ALCAM: variants seen among roughly 807,000 people sequenced by gnomAD.
ALCAM encodes the protein activated leukocyte cell adhesion molecule, also known as CD166 antigen.
ALCAM carries 30 observed loss-of-function variants against 70.9 expected under a neutral mutation model. The observed-to-expected ratio is 0.42, with a 90% confidence interval of 0.32 to 0.57. The LOEUF is 0.57. ALCAM is among the 20% of genes least tolerant of loss of function. The pLI is 0.11. For missense variants in ALCAM, 591 were observed against 695.1 expected (o/e 0.85, Z 1.68); for synonymous variants, 249 against 242.5 (o/e 1.03, Z -0.25).
intron 1 of ALCAM, among the ~76,000 whole-genome samples, chr3:105,408,342 A>G (rs543850784): frequency 9.8e-5 from 15 of 152,332 alleles, no homozygotes; most frequent in African/African-American, 3.6e-4. Context: ...TGATACGGGT[A>G]TAAAAATAGG....
chr3:105,394,536 T>TTCC (rs1262694499), intron 1 of ALCAM, among the ~76,000 whole-genome samples: 3 of 152,000 alleles, frequency 2.0e-5, no homozygotes, highest in African/African-American at 4.8e-5. Flanking sequence ...CTTAGATGCC[T>TTCC]TCCAGCTAGT....
chr3:105,557,749 T>C (rs1030447587), intron 14 of ALCAM, among the ~76,000 whole-genome samples: 11 of 152,144 alleles, frequency 7.2e-5, no homozygotes, highest in Non-Finnish European at 1.3e-4. Flanking sequence ...CTAATGGTTG[T>C]CGTATTCACT....
chr3:105,532,087 A>T (rs766708280), intron 4 of ALCAM, 21 bp downstream of exon 4: 3 of 1,600,936 alleles, frequency 1.9e-6, no homozygotes, highest in Non-Finnish European at 2.6e-6. Context: ...TTTTTGATTA[A>T]TACCTTTATT....
At chr3:105,445,746 T>C (rs1937279608) in intron 1 of ALCAM, among the ~76,000 whole-genome samples, 1 of 152,180 alleles carries the variant, frequency 6.6e-6, no homozygotes. Context: ...AGTCTTTCAA[T>C]AATTGGTGCT....
At chr3:105,388,778 A>G (rs1935721970) in intron 1 of ALCAM, among the ~76,000 whole-genome samples, 1 of 151,572 alleles carries the variant, frequency 6.6e-6, no homozygotes, top group South Asian at 2.1e-4. Context: ...TTTGAACTTA[A>G]TAATTAGATT....
intron 1 of ALCAM, among the ~76,000 whole-genome samples, chr3:105,444,471 C>T (rs1255484774): frequency 2.7e-5 from 4 of 149,588 alleles, no homozygotes; most frequent in Non-Finnish European, 4.5e-5. Flanking sequence ...TCACTGCCCA[C>T]TTGGTCCCTC....
chr3:105,456,229 C>T (rs1256736857), intron 1 of ALCAM, among the ~76,000 whole-genome samples: 1 of 152,212 alleles, frequency 6.6e-6, no homozygotes, highest in Non-Finnish European at 1.5e-5. Context: ...ACTGCCAGAG[C>T]TGTTAACACT....
At chr3:105,430,988 A>G (rs73181380) in intron 1 of ALCAM, among the ~76,000 whole-genome samples, 16,843 of 152,116 alleles carry the variant, frequency 0.11, 1,063 homozygotes, top group Middle Eastern at 0.17. Context: ...TCCTAGCACA[A>G]TGCCAGAAAC....
intron 3 of ALCAM, among the ~76,000 whole-genome samples, chr3:105,528,198 A>T (rs1198019129): frequency 6.6e-6 from 1 of 152,160 alleles, no homozygotes; most frequent in Non-Finnish European, 1.5e-5. Context: ...AGTCATACAG[A>T]GCAGTTGTGC....
intron 15 of ALCAM, among the ~76,000 whole-genome samples, chr3:105,572,738 A>T (rs1398752318): frequency 6.6e-6 from 1 of 152,180 alleles, no homozygotes; most frequent in East Asian, 1.9e-4. Context: ...CATTCTCTCA[A>T]AACAGGAAGA....
rs1266313664 is a variant in ALCAM at position 105,571,971 on chromosome 3, A to G, written c.*25+7A>G. 1 of 1,496,798 alleles carries G rather than the reference A, an allele frequency of 6.7e-7. No homozygotes were observed. The highest frequency in any genetic ancestry group is 2.3e-5 in the East Asian group (1 of 44,246). 92.7% of individuals were successfully genotyped at this position (1,496,798 alleles called of 1,614,324 possible). A position where few individuals can be genotyped will look rare whatever the true frequency, so the allele number is the denominator to read the frequency against. On this transcript the variant is annotated splice_region_variant and intron_variant, in intron 15 of 15. Coordinates refer to ENST00000306107, the MANE Select transcript of ALCAM (RefSeq NM_001627.4). ...AACTGTCCTAGTTGTCCAGGTGAGT[A>G]GTCTGTACGAGGTTCATAGAAATAA...
intron 1 of ALCAM, among the ~76,000 whole-genome samples, chr3:105,387,749 G>T (rs1192357691): frequency 6.6e-6 from 1 of 151,436 alleles, no homozygotes; most frequent in African/African-American, 2.4e-5. Context: ...GGCTGGAGAA[G>T]AAAACAGGAG....
At chr3:105,471,371 T>C (rs1048066648) in intron 1 of ALCAM, among the ~76,000 whole-genome samples, 1 of 151,368 alleles carries the variant, frequency 6.6e-6, no homozygotes, top group Admixed American at 6.6e-5. Flanking sequence ...TTCTTGGTTG[T>C]AAAAATCCTG....
At chr3:105,507,598 C>T (rs2152618602) in intron 1 of ALCAM, among the ~76,000 whole-genome samples, 1 of 152,130 alleles carries the variant, frequency 6.6e-6, no homozygotes, top group East Asian at 1.9e-4. Flanking sequence ...TCATGGCTTG[C>T]TGGCTCATTT....
intron 1 of ALCAM, among the ~76,000 whole-genome samples, chr3:105,505,013 C>T (rs1431734947): frequency 6.6e-6 from 1 of 152,218 alleles, no homozygotes; most frequent in Non-Finnish European, 1.5e-5. Context: ...CTAGAAGTCA[C>T]CTAGCTTATT....
At chr3:105,430,741 G>A (rs1936909172) in intron 1 of ALCAM, among the ~76,000 whole-genome samples, 1 of 152,036 alleles carries the variant, frequency 6.6e-6, no homozygotes, top group South Asian at 2.1e-4. Flanking sequence ...TCCAAGGAGT[G>A]AATATTTATC....
In ALCAM at chr3:105,523,517, G is replaced by A. The variant is rs142402668; in HGVS notation, c.175-772G>A. On this transcript the variant is annotated intron_variant, in intron 2 of 15. Transcript: ENST00000306107. The stretch of plus-strand genomic sequence containing the variant: ...CAAAGGTCTTGTAGGGTACATAAAG[G>A]AGGGACTGCCCCTGATTTTACATTA... 4.1e-3 allele frequency among the ~76,000 whole-genome samples: 631 copies of A among 152,308 alleles called. 3 individuals carry two copies. Among genetic ancestry groups the A allele is most frequent in the Admixed American group, 7.0e-3 (107 of 15,300 alleles).
At chr3:105,430,063 C>T (rs1936889264) in intron 1 of ALCAM, among the ~76,000 whole-genome samples, 1 of 151,882 alleles carries the variant, frequency 6.6e-6, no homozygotes, top group African/African-American at 2.4e-5. Context: ...AATAAACACA[C>T]AATATATCAA....
chr3:105,445,317 A>T (rs1468780734), intron 1 of ALCAM, among the ~76,000 whole-genome samples: 2 of 152,170 alleles, frequency 1.3e-5, no homozygotes, highest in Admixed American at 6.5e-5. Flanking sequence ...AAACATTGAT[A>T]AAAAAACTGA....
Sources: gnomAD v4.1 joint callset for allele counts (sites outside exome capture counted in the v4.1 genomes callset) on GRCh38, gnomAD v4.1.1 for gene constraint, MANE v1.5 for transcripts, NCBI Gene and HGNC (gene_info 2026-07-23, HGNC 2026-07-21) for gene names.